FDFT1: variants seen among roughly 807,000 people sequenced by gnomAD.
The protein encoded by FDFT1 is squalene synthase.
Under a neutral mutation model 46.8 loss-of-function variants are expected in FDFT1, and 68 were observed. The ratio of observed to expected loss-of-function variants is 1.45; its 90% CI spans 1.19 to 1.78. The LOEUF is 1.78. Among genes scored for constraint, FDFT1 ranks in the 40% most tolerant of loss-of-function variants. The pLI is 0.00. For synonymous variants in FDFT1, 351 were observed against 185.1 expected (o/e 1.90, Z -7.28); for missense variants, 928 against 524.4 (o/e 1.77, Z -7.52).
intron 5 of FDFT1, 88 bp downstream of exon 5, chr8:11,826,303 A>G (rs892618524): frequency 1.9e-6 from 2 of 1,041,128 alleles, no homozygotes; most frequent in Non-Finnish European, 2.8e-6. Context: ...GTGACAGAAA[A>G]ACAAGTCAGG....
intron 3 of FDFT1, among the ~76,000 whole-genome samples, chr8:11,818,328 G>A (rs1209494694): frequency 6.6e-6 from 1 of 152,216 alleles, no homozygotes; most frequent in African/African-American, 2.4e-5. Flanking sequence ...TGAGAAGAAT[G>A]TATATTCTGT....
intron 5 of FDFT1, among the ~76,000 whole-genome samples, chr8:11,826,439 G>A (rs536519795): frequency 6.6e-6 from 1 of 152,194 alleles, no homozygotes; most frequent in Non-Finnish European, 1.5e-5. Flanking sequence ...TGCTGTCCTT[G>A]ATTTCTTTCA....
chr8:11,807,257 C>T (rs909901200), intron 1 of FDFT1, among the ~76,000 whole-genome samples: 5 of 152,182 alleles, frequency 3.3e-5, no homozygotes, highest in African/African-American at 1.2e-4. Flanking sequence ...CCCACCTCAG[C>T]CTCCTGAGTA....
At chr8:11,835,628 T>C (rs1811431768) in intron 7 of FDFT1, among the ~76,000 whole-genome samples, 1 of 152,176 alleles carries the variant, frequency 6.6e-6, no homozygotes, top group Non-Finnish European at 1.5e-5. Flanking sequence ...GTAAATCTTT[T>C]TTCCCAAAAG....
At chr8:11,827,724 T>TA (rs1810198272) in intron 5 of FDFT1, among the ~76,000 whole-genome samples, 1 of 152,080 alleles carries the variant, frequency 6.6e-6, no homozygotes, top group South Asian at 2.1e-4. Context: ...TGCTGAGTCT[T>TA]ACTCCTAAGA....
At chr8:11,835,940 C>A (rs1811472076) in intron 7 of FDFT1, among the ~76,000 whole-genome samples, 1 of 127,160 alleles carries the variant, frequency 7.9e-6, no homozygotes, top group Non-Finnish European at 1.6e-5. Flanking sequence ...GCGAAACCAG[C>A]CTGACTTATG....
intron 3 of FDFT1, among the ~76,000 whole-genome samples, chr8:11,816,997 C>T (rs1176198031): frequency 6.6e-6 from 1 of 152,230 alleles, no homozygotes; most frequent in South Asian, 2.1e-4. Flanking sequence ...ATGATATTGG[C>T]TTTGGGTTTG....
chr8:11,819,787 G>C (rs550296802), intron 3 of FDFT1, among the ~76,000 whole-genome samples: 1 of 152,214 alleles, frequency 6.6e-6, no homozygotes, highest in East Asian at 1.9e-4. Flanking sequence ...CGATCGGTCA[G>C]AACGTGCTGC....
intron 7 of FDFT1, among the ~76,000 whole-genome samples, chr8:11,835,732 A>G (rs1339776304): frequency 6.6e-6 from 1 of 152,194 alleles, no homozygotes. Flanking sequence ...TAGGAGCCAC[A>G]GAATTAACCC....
chr8:11,801,632 T>G (rs1585839239), upstream of FDFT1: 11 of 205,028 alleles, frequency 5.4e-5, no homozygotes, highest in East Asian at 3.3e-4. Context: ...ACCTGACAGG[T>G]TTTAAAAGGA....
rs1470721868 is a variant in FDFT1 at position 11,838,641 on chromosome 8, T to C, written c.*32T>C. 2.6e-6 allele frequency: 4 copies of C among 1,514,032 alleles called. No homozygotes were observed. The South Asian group carries it at 3.4e-5, about 13-fold the overall frequency. 93.8% of individuals were successfully genotyped at this position (1,514,032 alleles called of 1,614,324 possible). On this transcript the variant is annotated 3_prime_UTR_variant, in exon 8 of 8. Coordinates refer to ENST00000220584, the MANE Select transcript of FDFT1 (RefSeq NM_004462.5). ...ATTTGTCCATAGCTGAAGTCCACCA[T>C]AAAGTGGATTTACTTTTTTTCTTTA... is the stretch of plus-strand genomic sequence containing the variant.
chr8:11,797,013 T>A (rs1049246255), intron 1 of FDFT1, among the ~76,000 whole-genome samples: 1 of 152,214 alleles, frequency 6.6e-6, no homozygotes, highest in Non-Finnish European at 1.5e-5. Flanking sequence ...AAAGGACAGT[T>A]TCTGAAGACA....
chr8:11,822,489 A>G (rs1809399107), intron 4 of FDFT1, among the ~76,000 whole-genome samples: 1 of 152,208 alleles, frequency 6.6e-6, no homozygotes, highest in Non-Finnish European at 1.5e-5. Flanking sequence ...AGTTAACAGC[A>G]TACAATGACT....
At chr8:11,799,942 T>TAA (rs1563285310), upstream of FDFT1, among the ~76,000 whole-genome samples, 1 of 100,108 alleles carries the variant, frequency 1.0e-5, no homozygotes, top group Non-Finnish European at 2.1e-5. Context: ...GAGACTCCAT[T>TAA]TAAAAAAAAA....
intron 5 of FDFT1, among the ~76,000 whole-genome samples, chr8:11,829,182 C>G (rs1810427389): frequency 6.6e-6 from 1 of 152,164 alleles, no homozygotes; most frequent in African/African-American, 2.4e-5. Flanking sequence ...TGTATATATA[C>G]TTAACATTTT....
upstream of FDFT1, among the ~76,000 whole-genome samples, chr8:11,801,395 C>T (rs1446017296): frequency 6.6e-6 from 1 of 152,246 alleles, no homozygotes; most frequent in East Asian, 1.9e-4. Context: ...TCTCAGCTCA[C>T]TGCAACCTCT....
chr8:11,815,065 G>A (rs567268880), intron 3 of FDFT1, among the ~76,000 whole-genome samples: 1 of 152,024 alleles, frequency 6.6e-6, no homozygotes, highest in Admixed American at 6.5e-5. Flanking sequence ...TCCCCTCCTT[G>A]TGTCCATGTG....
Position 11,838,997 on chromosome 8 carries a change from T to C in FDFT1, c.*388T>C, listed in dbSNP as rs1315091628. On this transcript the variant is annotated 3_prime_UTR_variant, in exon 8 of 8. Transcript: ENST00000220584. ...GAATGTTCGTAATAGTAGAAAATGA[T>C]GTGAATTTTCTTTCTGTTCGGCTCC... 2 of 179,370 alleles carry C rather than the reference T, an allele frequency of 1.1e-5. No homozygotes were observed. Among genetic ancestry groups the C allele is most frequent in the Non-Finnish European group, 2.4e-5 (2 of 84,034 alleles). The allele number at this position is 179,370 out of a possible 1,614,324, so 11.1% of individuals were successfully genotyped here. A position where few individuals can be genotyped will look rare whatever the true frequency, so the allele number is the denominator to read the frequency against.
At chr8:11,834,907 T>C (rs1009249084) in intron 7 of FDFT1, among the ~76,000 whole-genome samples, 3 of 152,108 alleles carry the variant, frequency 2.0e-5, no homozygotes, top group Non-Finnish European at 2.9e-5. Context: ...GCAGATCACT[T>C]GAGGTAAGGA....
Sources: gnomAD v4.1 joint callset for allele counts (sites outside exome capture counted in the v4.1 genomes callset) on GRCh38, gnomAD v4.1.1 for gene constraint, MANE v1.5 for transcripts, NCBI Gene and HGNC (gene_info 2026-07-23, HGNC 2026-07-21) for gene names.